GPRC5C: variants seen among roughly 807,000 people sequenced by gnomAD.
The protein encoded by GPRC5C is G protein-coupled receptor family C group 5 member C.
GPRC5C carries 22 observed loss-of-function variants against 31.4 expected under a neutral mutation model. That is an observed-to-expected ratio of 0.70 (90% CI 0.50 to 1.00). GPRC5C has a LOEUF of 1.00. GPRC5C is among the 50% of genes least tolerant of loss of function. GPRC5C has a pLI of 0.00. For missense variants in GPRC5C, 557 were observed against 597.2 expected (o/e 0.93, Z 0.70); for synonymous variants, 249 against 257.5 (o/e 0.97, Z 0.32).
chr17:74,440,312 T>C lies in GPRC5C; in HGVS notation c.536T>C (p.Leu179Pro). 6.2e-7 allele frequency: 1 copy of C among 1,614,166 alleles called. No homozygotes were observed. Among genetic ancestry groups the C allele is most frequent in the East Asian group, 2.2e-5 (1 of 44,868 alleles). ...IINTEWLIIT[L>P]VRGSGEGGPQ... is the part of the protein sequence containing the mutation. ...AATACAGAGTGGCTGATCATCACCC[T>C]GGTTCGGGGCAGTGGCGAGGGCGGC... Residue 179 changes from leucine to proline, a missense_variant, in exon 2 of 4, where the codon CTG becomes CCG. Physicochemically the swap from Leu to Pro is moderately conservative, Grantham distance 98. Transcript: ENST00000392627. This position sits in a 1 kb window ranked among gnomAD's most constrained non-coding sequence, Gnocchi z 4.4.
At chr17:74,433,626 G>A in intron 1 of GPRC5C, 1 of 1,166,508 alleles carries the variant, frequency 8.6e-7, no homozygotes. Context: ...TGTCAGTCGG[G>A]CCATCGTCTT....
downstream of GPRC5C, chr17:74,449,032 T>C: frequency 2.0e-6 from 1 of 512,048 alleles, no homozygotes; most frequent in Non-Finnish European, 3.3e-6. Context: ...CCGGGGAGCC[T>C]GCTCCTCCCA....
At chr17:74,445,978 G>A (rs2055621024) in intron 3 of GPRC5C, 1 of 72,342 alleles carries the variant, frequency 1.4e-5, no homozygotes, top group South Asian at 7.9e-4. Context: ...TGGCAACGTA[G>A]TGAGACCCCC....
intron 1 of GPRC5C, among the ~76,000 whole-genome samples, chr17:74,433,075 G>T (rs935204563): frequency 2.0e-5 from 3 of 151,878 alleles, no homozygotes; most frequent in Admixed American, 2.0e-4. Context: ...CCCCACTCCC[G>T]GCTGGCTTTT....
At chr17:74,438,045 CT>C (rs528106454) in intron 1 of GPRC5C, among the ~76,000 whole-genome samples, 53 of 150,062 alleles carry the variant, frequency 3.5e-4, no homozygotes, top group African/African-American at 1.2e-3. Context: ...TCTTTTCTTT[CT>C]TTTTTTTGGA....
At position 74,443,920 on chromosome 17, in the gene GPRC5C, G is replaced by A; in HGVS notation, c.1146+8G>A. ...CTGATGCACAAAGTTCCGGTAAGTG[G>A]GTTCCCCAGGTCCCCGTGACACGTC... On this transcript the variant is annotated splice_region_variant and intron_variant, in intron 3 of 3. Transcript: ENST00000392627. The A allele has an allele frequency of 6.3e-7, 1 of 1,578,198 alleles. No homozygotes were observed. The highest frequency in any genetic ancestry group is 8.7e-7 in the Non-Finnish European group (1 of 1,147,734).
intron 3 of GPRC5C, among the ~76,000 whole-genome samples, chr17:74,444,379 G>T (rs1192694212): frequency 2.0e-5 from 3 of 152,160 alleles, no homozygotes; most frequent in Non-Finnish European, 4.4e-5. Flanking sequence ...TCCCTCTCTG[G>T]CAGGCAGCAA....
At chr17:74,446,622 A>ATCC (rs2144449759) in intron 3 of GPRC5C, 1 of 544,200 alleles carries the variant, frequency 1.8e-6, no homozygotes, top group South Asian at 2.4e-5. Context: ...GCACCATCCA[A>ATCC]GGTCAGCAGG....
At chr17:74,441,834 C>T (rs975712017) in intron 2 of GPRC5C, among the ~76,000 whole-genome samples, 3 of 152,040 alleles carry the variant, frequency 2.0e-5, no homozygotes, top group African/African-American at 7.2e-5. Context: ...TACTTAGTGC[C>T]CGGCCCATGA....
intron 1 of GPRC5C, among the ~76,000 whole-genome samples, chr17:74,434,318 A>G (rs895148755): frequency 1.3e-5 from 2 of 152,180 alleles, no homozygotes; most frequent in Non-Finnish European, 2.9e-5. Context: ...CAACTCCAAC[A>G]TGGAGGGGAC....
downstream of GPRC5C, among the ~76,000 whole-genome samples, chr17:74,447,952 G>A (rs1481386187): frequency 2.0e-5 from 3 of 152,200 alleles, no homozygotes; most frequent in South Asian, 4.1e-4. Context: ...TTACAAATGG[G>A]TTGACAAAAG....
rs1434944423 is a variant in GPRC5C at position 74,439,759 on chromosome 17, C to T, written c.-18C>T. 18 of 1,607,184 alleles carry T rather than the reference C, an allele frequency of 1.1e-5. No individual in the cohort carries two copies. The highest frequency in any genetic ancestry group is 1.4e-5 in the Non-Finnish European group (17 of 1,175,968). On this transcript the variant is annotated 5_prime_UTR_variant, in exon 2 of 4. Coordinates refer to ENST00000392627, the MANE Select transcript of GPRC5C (RefSeq NM_022036.4). ...TCTGTCTCTAGGGACCCAACCAGAG[C>T]CTGGCCTGGGAGCCAGGATGGCCAT...
rs768843563 is a variant in GPRC5C, at chr17:74,446,863, C to T, written c.1161C>T (p.Tyr387=). The stretch of plus-strand genomic sequence containing the variant: ...CTTCCTTCCAGTCCGAAGGAGCTTA[C>T]GACATCATCCTCCCACGGGCCACCG... ...LMHKVPSEGA[Y]DIILPRATAN... The change falls in exon 4 of 4, where the codon TAC becomes TAT. Residue 387 remains tyrosine (Y), a synonymous_variant. Coordinates refer to ENST00000392627, the MANE Select transcript of GPRC5C (RefSeq NM_022036.4). The T allele has an allele frequency of 3.5e-5, 57 of 1,612,550 alleles. No individual in the cohort carries two copies. The highest frequency in any genetic ancestry group is 3.4e-4 in the South Asian group (31 of 91,042).
At chr17:74,434,453 C>T (rs2055402192) in intron 1 of GPRC5C, among the ~76,000 whole-genome samples, 1 of 152,186 alleles carries the variant, frequency 6.6e-6, no homozygotes, top group South Asian at 2.1e-4. Context: ...GCTTCAAAGA[C>T]CTTACAGCCC....
At chr17:74,445,777 A>AC (rs2055617385) in intron 3 of GPRC5C, 2 of 152,036 alleles carry the variant, frequency 1.3e-5, no homozygotes, top group African/African-American at 4.8e-5. Flanking sequence ...CGGAACAGGT[A>AC]CCTCAGGACC....
intron 1 of GPRC5C, among the ~76,000 whole-genome samples, chr17:74,436,867 G>T (rs1391396600): frequency 2.0e-5 from 3 of 152,212 alleles, no homozygotes; most frequent in Non-Finnish European, 4.4e-5. Flanking sequence ...CCCACAGCTT[G>T]TTGTTATCCA....
Position 74,440,014 on chromosome 17 carries a change from G to T in GPRC5C, c.238G>T (p.Asp80Tyr). 6.2e-7 allele frequency: 1 copy of T among 1,610,092 alleles called. No homozygotes were observed. The highest frequency in any genetic ancestry group is 1.1e-5 in the South Asian group (1 of 91,088). Reference protein sequence around the residue: ...ILVASLPFVQDTKKRSLLGTQ... With the variant: ...ILVASLPFVQYTKKRSLLGTQ... ...GGTGGCCAGCCTCCCCTTTGTGCAG[G>T]ACACCAAGAAACGGAGCCTGCTGGG... is the stretch of plus-strand genomic sequence containing the variant. Residue 80 changes from aspartate (D) to tyrosine (Y), a missense_variant, in exon 2 of 4, where the codon GAC becomes TAC. Transcript: ENST00000392627. This position sits in a 1 kb window ranked among gnomAD's most constrained non-coding sequence, Gnocchi z 4.4.
chr17:74,438,102 G>A (rs1048452096), intron 1 of GPRC5C, among the ~76,000 whole-genome samples: 2 of 147,678 alleles, frequency 1.4e-5, no homozygotes, highest in Non-Finnish European at 3.0e-5. Flanking sequence ...TGGTGCAATC[G>A]CAGCTCACTG....
chr17:74,440,601 G>A lies in GPRC5C; in HGVS notation c.825G>A (p.Trp275Ter), dbSNP rs1372853369. Residue 275 changes from tryptophan (W) to a stop codon, truncating the protein, a stop_gained, in exon 2 of 4, where the codon TGG becomes TGA. Coordinates refer to ENST00000392627, the MANE Select transcript of GPRC5C (RefSeq NM_022036.4). LOFTEE classifies it high-confidence loss of function. The surrounding 1 kb of genome is among the most constrained non-coding windows in gnomAD (Gnocchi z 4.4). ...ACAAGCAGCACAACAGTCCCACCTGGGATGACCCCACGCTGGCCATCGCCC... is the reference window on the plus strand; with the variant it reads ...ACAAGCAGCACAACAGTCCCACCTGAGATGACCCCACGCTGGCCATCGCCC... ...YGNKQHNSPT[W>*]DDPTLAIALA... 1 of 1,612,966 alleles carries A rather than the reference G, an allele frequency of 6.2e-7. No homozygotes were observed. The highest frequency in any genetic ancestry group is 8.5e-7 in the Non-Finnish European group (1 of 1,179,006).
Sources: gnomAD v4.1 joint callset for allele counts (sites outside exome capture counted in the v4.1 genomes callset) on GRCh38, gnomAD v4.1.1 for gene constraint, Gnocchi (gnomAD v3.1) non-coding constraint, MANE v1.5 for transcripts, NCBI Gene and HGNC (gene_info 2026-07-23, HGNC 2026-07-21) for gene names.